Variants in USP35 observed in about 807,000 individuals in gnomAD.
USP35 encodes ubiquitin specific peptidase 35, also known as ubiquitin carboxyl-terminal hydrolase 35.
Under a neutral mutation model 83.8 loss-of-function variants are expected in USP35, and 69 were observed. The ratio of observed to expected loss-of-function variants is 0.82; its 90% CI spans 0.68 to 1.01. The LOEUF (loss-of-function observed/expected upper bound fraction) is 1.01, where lower values mean the gene tolerates loss of function less well. Ranked by LOEUF, USP35 falls within the 50% of genes least tolerant of loss-of-function variation. The pLI, the probability that USP35 is intolerant of heterozygous loss-of-function variation, is 0.00. For missense variants in USP35, 1,503 were observed against 1,362.5 expected (o/e 1.10, Z -1.62); for synonymous variants, 714 against 589.5 (o/e 1.21, Z -3.06).
Position 78,205,848 on chromosome 11 carries a change from C to T in USP35, c.1204C>T (p.His402Tyr). The change falls in exon 7 of 11, where the codon CAT (histidine) becomes TAT (tyrosine). Residue 402 changes from histidine to tyrosine, a missense_variant. Coordinates refer to ENST00000529308, the MANE Select transcript of USP35 (RefSeq NM_020798.4). Reference protein sequence around the residue: ...EPVMEAIKDLHVPNEDRIKQL... With the variant: ...EPVMEAIKDLYVPNEDRIKQL... Reference sequence around the variant, plus strand: ...CTGCTTATTCCCTCCTCAGGACCTCCATGTTCCCAATGAGGACCGCATCAA... The same window carrying T: ...CTGCTTATTCCCTCCTCAGGACCTCTATGTTCCCAATGAGGACCGCATCAA... 6.2e-7 allele frequency: 1 copy of T among 1,612,658 alleles called. No homozygotes were observed.
At chr11:78,223,442 CA>C in the USP35 span, 2 of 1,573,844 alleles carry the variant, frequency 1.3e-6, no homozygotes, top group Non-Finnish European at 1.7e-6. Context: ...TTGCGGTTGA[CA>C]GGGGGTGGCT....
chr11:78,231,498 T>C, the USP35 span, among the ~76,000 whole-genome samples: 213 of 152,212 alleles, frequency 1.4e-3, no homozygotes, highest in African/African-American at 4.8e-3. Context: ...TACAGGAGCG[T>C]ACCACTGCAC....
intron 10 of USP35, among the ~76,000 whole-genome samples, chr11:78,212,793 G>A (rs1311883890): frequency 1.3e-5 from 2 of 152,142 alleles, no homozygotes; most frequent in Non-Finnish European, 2.9e-5. Flanking sequence ...GAAGCTCCTG[G>A]GATGAGATAA....
At chr11:78,200,332 C>T (rs1176037662) in intron 5 of USP35, 98 bp downstream of exon 5, 1 of 1,417,856 alleles carries the variant, frequency 7.1e-7, no homozygotes, top group African/African-American at 1.4e-5. Context: ...GCCTGCTGAC[C>T]CTGGGCTCTT....
chr11:78,211,872 T>A lies in USP35; in HGVS notation c.2889+1128T>A, dbSNP rs375870949. Among the ~76,000 whole-genome samples, 1,090 of 152,276 alleles carry A rather than the reference T, an allele frequency of 7.2e-3. 15 individuals carry two copies. The highest frequency in any genetic ancestry group is 0.024 in the African/African-American group (1,014 of 41,562). ...AGGTCAGATGGGTAGTTTGCAAAAA[T>A]TTTTTTTCATTCTGTAGGTTGTGTC... On this transcript the variant is annotated intron_variant, in intron 10 of 10. Coordinates refer to ENST00000529308, the MANE Select transcript of USP35 (RefSeq NM_020798.4).
intron 6 of USP35, among the ~76,000 whole-genome samples, chr11:78,203,914 G>A (rs1255375223): frequency 3.9e-5 from 4 of 101,606 alleles, no homozygotes; most frequent in Admixed American, 1.2e-4. Context: ...TTTTTGAGAC[G>A]GAGTCTCGCT....
In USP35 at chr11:78,196,113, T is replaced by G; in HGVS notation, c.-10-123T>G. On this transcript the variant is annotated intron_variant, in intron 1 of 10. Coordinates refer to ENST00000529308, the MANE Select transcript of USP35 (RefSeq NM_020798.4). This position sits in a 1 kb window ranked among gnomAD's most constrained non-coding sequence, Gnocchi z 4.8. ...TGACGCCCTTGCCCCATTTCACAGA[T>G]GAGAAAACTGAGGCCCAGAAAGTTT... 3.6e-5 allele frequency: 51 copies of G among 1,406,270 alleles called. No homozygotes were observed. Among genetic ancestry groups the G allele is most frequent in the Non-Finnish European group, 4.3e-5 (47 of 1,082,884 alleles). The allele number at this position is 1,406,270 out of a possible 1,614,324, so 87.1% of individuals were successfully genotyped here.
chr11:78,217,664 C>T (rs1160981830), downstream of USP35: 3 of 152,266 alleles, frequency 2.0e-5, no homozygotes, highest in East Asian at 3.8e-4. Context: ...TCAGATCCCC[C>T]ACCCTTAGTT....
At chr11:78,191,948 A>G (rs1863018927) in intron 1 of USP35, among the ~76,000 whole-genome samples, 1 of 147,274 alleles carries the variant, frequency 6.8e-6, no homozygotes, top group Admixed American at 7.0e-5. Flanking sequence ...GGTTCACGCC[A>G]TTCTCCTGCC....
rs755328244 is a variant in USP35 at position 78,205,916 on chromosome 11, G to A, written c.1272G>A (p.Glu424=). Residue 424 remains glutamate (E), a synonymous_variant, in exon 7 of 11, where the codon GAG becomes GAA. Transcript: ENST00000529308. ...ATGCCTGGACTTCGCAGAAGAGCGA[G>A]CTGGCGGGTTTCTATCCCCGGCTCA... ...GQDAWTSQKS[E]LAGFYPRLMA... 27 of 1,614,156 alleles carry A rather than the reference G, an allele frequency of 1.7e-5. No homozygotes were observed. The highest frequency in any genetic ancestry group is 2.1e-5 in the Non-Finnish European group (25 of 1,180,054).
chr11:78,212,576 A>G (rs1863829092), intron 10 of USP35, among the ~76,000 whole-genome samples: 1 of 152,074 alleles, frequency 6.6e-6, no homozygotes, highest in South Asian at 2.1e-4. Context: ...GTGAGCATGG[A>G]ATGTTTTTCC....
chr11:78,198,889 A>G (rs1590900362), intron 3 of USP35: 1 of 166,124 alleles, frequency 6.0e-6, no homozygotes, highest in Admixed American at 6.5e-5. Flanking sequence ...ATAATACACG[A>G]AACATGTCTA....
Position 78,196,853 on chromosome 11 carries a change from G to C in USP35, c.608G>C (p.Trp203Ser), listed in dbSNP as rs1863165017. 6.6e-7 allele frequency: 1 copy of C among 1,507,720 alleles called. No individual in the cohort carries two copies. Among genetic ancestry groups the C allele is most frequent in the Non-Finnish European group, 8.8e-7 (1 of 1,132,762 alleles). The allele number at this position is 1,507,720 out of a possible 1,614,324, so 93.4% of individuals were successfully genotyped here. Residue 203 changes from tryptophan (W) to serine (S), a missense_variant, in exon 2 of 11, where the codon TGG (tryptophan) becomes TCG (serine). Coordinates refer to ENST00000529308, the MANE Select transcript of USP35 (RefSeq NM_020798.4). This position sits in a 1 kb window ranked among gnomAD's most constrained non-coding sequence, Gnocchi z 4.8. ...QQVSGLLAQL[W>S]RAQPAAILPC... ...GTGAGCGGGCTCCTGGCGCAGCTGTGGCGCGCACAGCCCGCCGCCATCCTG... is the reference window on the plus strand; with the variant it reads ...GTGAGCGGGCTCCTGGCGCAGCTGTCGCGCGCACAGCCCGCCGCCATCCTG...
intron 1 of USP35, among the ~76,000 whole-genome samples, chr11:78,195,523 A>AT (rs1295821183): frequency 6.6e-6 from 1 of 152,080 alleles, no homozygotes; most frequent in Non-Finnish European, 1.5e-5. Flanking sequence ...CAGAGGTGTC[A>AT]TTTTTTGTGT....
At position 78,214,683 on chromosome 11, in the gene USP35, TAAA is replaced by T. The variant is rs1337710181; in HGVS notation, c.*871_*873del. ...AAGACAAGACAGACACCCATGTTCATAAATAAATAAAAGTAAGCCTAAGCAAGA... is the reference window on the plus strand; with the variant it reads ...AAGACAAGACAGACACCCATGTTCATTAAATAAAAGTAAGCCTAAGCAAGA... On this transcript the variant is annotated 3_prime_UTR_variant, in exon 11 of 11. Transcript: ENST00000529308. 1.6e-4 allele frequency: 24 copies of T among 152,200 alleles called. No homozygotes were observed. The highest frequency in any genetic ancestry group is 5.5e-4 in the African/African-American group (23 of 41,480). 9.4% of individuals were successfully genotyped at this position (152,200 alleles called of 1,614,324 possible). A position where few individuals can be genotyped will look rare whatever the true frequency, so the allele number is the denominator to read the frequency against.
At chr11:78,213,009 G>T (rs116351361) in intron 10 of USP35, among the ~76,000 whole-genome samples, 2,469 of 152,304 alleles carry the variant, frequency 0.016, 81 homozygotes, top group African/African-American at 0.058. Context: ...AACAGCATGG[G>T]CTTTGACCAG....
rs1452214469 is a variant in USP35, at chr11:78,203,892, CT to C, written c.1198-1934del. ...TGTACCCAGCCCATATTTTTCTTTT[CT>C]TTTTTTTTTTTTTTTGAGACGGAGT... is the stretch of plus-strand genomic sequence containing the variant. On this transcript the variant is annotated intron_variant, in intron 6 of 10. Coordinates refer to ENST00000529308, the MANE Select transcript of USP35 (RefSeq NM_020798.4). Among the ~76,000 whole-genome samples, 152 of 114,376 alleles carry C rather than the reference CT, an allele frequency of 1.3e-3. 1 individual carries two copies. Among genetic ancestry groups the C allele is most frequent in the East Asian group, 2.8e-3 (11 of 3,944 alleles). The allele number at this position is 114,376 out of a possible 152,430, so 75.0% of individuals were successfully genotyped here.
At chr11:78,225,336 A>ATT in the USP35 span, 1 of 610,284 alleles carries the variant, frequency 1.6e-6, no homozygotes, top group Non-Finnish European at 2.9e-6. Flanking sequence ...AATGATAAGG[A>ATT]ATTTCTTCGA....
At position 78,214,063 on chromosome 11, in the gene USP35, A is replaced by C. The variant is rs544005208; in HGVS notation, c.*250A>C. 2.5e-6 allele frequency: 1 copy of C among 403,414 alleles called. No individual in the cohort carries two copies. Among genetic ancestry groups the C allele is most frequent in the Non-Finnish European group, 4.3e-6 (1 of 230,224 alleles). The allele number at this position is 403,414 out of a possible 1,614,324, so 25.0% of individuals were successfully genotyped here. ...TTAACTTGAAGCAGCCGAGATGGGCACACACGGGTCTTTGCCTCCCCCTCC... is the reference window on the plus strand; with the variant it reads ...TTAACTTGAAGCAGCCGAGATGGGCCCACACGGGTCTTTGCCTCCCCCTCC... On this transcript the variant is annotated 3_prime_UTR_variant, in exon 11 of 11. Transcript: ENST00000529308.
Sources: allele counts gnomAD v4.1 joint callset (sites outside exome capture counted in the v4.1 genomes callset), GRCh38; gene constraint gnomAD v4.1.1; non-coding constraint Gnocchi (gnomAD v3.1); transcripts MANE v1.5; gene names NCBI Gene and HGNC (gene_info 2026-07-23, HGNC 2026-07-21).